Variants in VWA3B observed in about 807,000 individuals in gnomAD.
VWA3B encodes von Willebrand factor A domain-containing protein 3B.
VWA3B carries 138 observed loss-of-function variants against 158.3 expected under a neutral mutation model. That is an observed-to-expected ratio of 0.87 (90% CI 0.76 to 1.00). The LOEUF (loss-of-function observed/expected upper bound fraction) is 1.00, where lower values mean the gene tolerates loss of function less well. Among genes scored for constraint, VWA3B ranks in the 50% least tolerant of loss-of-function variants. VWA3B has a pLI of 0.00. For synonymous variants in VWA3B, 596 were observed against 587.3 expected (o/e 1.01, Z -0.21); for missense variants, 1,555 against 1,565.1 (o/e 0.99, Z 0.11).
At chr2:98,297,800 T>A in intron 23 of VWA3B, 107 bp from the exon 24 acceptor site, 1 of 1,330,956 alleles carries the variant, frequency 7.5e-7, no homozygotes, top group South Asian at 2.0e-5. Context: ...CACACTGATT[T>A]AAACAGGCAA....
intron 6 of VWA3B, among the ~76,000 whole-genome samples, chr2:98,129,005 G>A (rs868257093): frequency 2.0e-5 from 3 of 152,350 alleles, no homozygotes; most frequent in Admixed American, 6.5e-5. Flanking sequence ...CCTGGGAACT[G>A]GGCTAGTCAG....
chr2:98,314,064 G>T (rs1691034338), downstream of VWA3B, among the ~76,000 whole-genome samples: 1 of 152,178 alleles, frequency 6.6e-6, no homozygotes, highest in South Asian at 2.1e-4. Context: ...AGTGCTCTTT[G>T]AGAGATAAAT....
chr2:98,194,304 C>T (rs1323643873), intron 11 of VWA3B, 57 bp from the exon 12 acceptor site: 14 of 1,580,352 alleles, frequency 8.9e-6, no homozygotes, highest in Non-Finnish European at 1.1e-5. Flanking sequence ...GTGGCCTACC[C>T]AAACCCTTTC....
intron 20 of VWA3B, among the ~76,000 whole-genome samples, chr2:98,255,651 G>A (rs1200882262): frequency 6.6e-6 from 1 of 152,038 alleles, no homozygotes; most frequent in East Asian, 1.9e-4. Context: ...TAGCAGCCTC[G>A]TTTGGAAAAC....
chr2:98,143,637 A>T lies in VWA3B; in HGVS notation c.988+9698A>T, dbSNP rs186365165. Among the ~76,000 whole-genome samples, 651 of 152,160 alleles carry T rather than the reference A, an allele frequency of 4.3e-3. 4 individuals are homozygous for T. Among genetic ancestry groups the T allele is most frequent in the Middle Eastern group, 0.02 (6 of 294 alleles). ...TCAGGGAACTCAAATATAGTAAAAT[A>T]AAAAAAACCTGGGCTTTGGAGTCAG... On this transcript the variant is annotated intron_variant, in intron 7 of 27. Transcript: ENST00000477737.
intron 12 of VWA3B, among the ~76,000 whole-genome samples, chr2:98,203,866 T>C (rs1454933681): frequency 6.6e-6 from 1 of 152,180 alleles, no homozygotes; most frequent in Non-Finnish European, 1.5e-5. Context: ...GTCTGTGGAT[T>C]CAACCAACTA....
chr2:98,136,297 A>G (rs1467749415), intron 7 of VWA3B, among the ~76,000 whole-genome samples: 3 of 152,230 alleles, frequency 2.0e-5, no homozygotes, highest in Admixed American at 6.5e-5. Flanking sequence ...TGTTAAGTAC[A>G]TTCCCATTGT....
Position 98,104,339 on chromosome 2 carries a change from G to A in VWA3B, c.196+11051G>A, listed in dbSNP as rs565350263. On this transcript the variant is annotated intron_variant, in intron 2 of 27. Coordinates refer to ENST00000477737, the MANE Select transcript of VWA3B (RefSeq NM_144992.5). The stretch of plus-strand genomic sequence containing the variant: ...GCATCTGCATCTGGTGAGGGCCTCA[G>A]GAAGCTTCCACTCATGATAGAAGGC... 4.6e-5 allele frequency among the ~76,000 whole-genome samples: 7 copies of A among 152,300 alleles called. No homozygotes were observed. In the East Asian group the frequency reaches 1.4e-3, roughly 29 times the overall value.
chr2:98,312,746 A>T lies in VWA3B; in HGVS notation c.*397A>T, dbSNP rs2292119. 0.43 allele frequency: 72,095 copies of T among 166,538 alleles called. 16,259 individuals are homozygous for T. The highest frequency in any genetic ancestry group is 0.5 in the Non-Finnish European group (38,362 of 76,982). 10.3% of individuals were successfully genotyped at this position (166,538 alleles called of 1,614,324 possible). The stretch of plus-strand genomic sequence containing the variant: ...TTAATTATCACATCTAAATTAGAGA[A>T]TTTGTCACCCAATATTAGGACTGAA... On this transcript the variant is annotated 3_prime_UTR_variant, in exon 28 of 28. Coordinates refer to ENST00000477737, the MANE Select transcript of VWA3B (RefSeq NM_144992.5).
At chr2:98,113,588 T>C (rs1674311383) in intron 2 of VWA3B, among the ~76,000 whole-genome samples, 1 of 152,222 alleles carries the variant, frequency 6.6e-6, no homozygotes, top group African/African-American at 2.4e-5. Context: ...AGCTATAATG[T>C]ACCTACCTAC....
intron 21 of VWA3B, among the ~76,000 whole-genome samples, chr2:98,267,105 G>T (rs1485630914): frequency 1.3e-5 from 2 of 151,676 alleles, no homozygotes; most frequent in African/African-American, 4.8e-5. Flanking sequence ...TGGTGAGAGA[G>T]GGCATCCCTG....
rs1376352227 is a variant in VWA3B, at chr2:98,095,250, A to G, written c.196+1962A>G. 2.0e-5 allele frequency among the ~76,000 whole-genome samples: 3 copies of G among 152,278 alleles called. No individual in the cohort carries two copies. The East Asian group carries it at 5.8e-4, about 29-fold the overall frequency. On this transcript the variant is annotated intron_variant, in intron 2 of 27. Transcript: ENST00000477737. ...ATTTTTAACAGTATTCATCTTTCCAATCTATGAACATGGAATATCTTTAAA... is the reference window on the plus strand; with the variant it reads ...ATTTTTAACAGTATTCATCTTTCCAGTCTATGAACATGGAATATCTTTAAA...
At chr2:98,144,369 GTAATCC>G (rs1240333417) in intron 7 of VWA3B, among the ~76,000 whole-genome samples, 5 of 151,214 alleles carry the variant, frequency 3.3e-5, no homozygotes, top group Non-Finnish European at 7.4e-5. Flanking sequence ...CTTCTCTTCT[GTAATCC>G]TAATTCCTAC....
intron 12 of VWA3B, among the ~76,000 whole-genome samples, chr2:98,203,120 C>T (rs542110135): frequency 2.0e-5 from 3 of 152,314 alleles, no homozygotes; most frequent in African/African-American, 4.8e-5. Flanking sequence ...CGTGAGCCAC[C>T]ACACCCGGCC....
Position 98,192,988 on chromosome 2 carries a change from GA to G in VWA3B, c.1559del (p.Lys520ArgfsTer7). 2 of 1,614,162 alleles carry G rather than the reference GA, an allele frequency of 1.2e-6. No individual in the cohort carries two copies. The highest frequency in any genetic ancestry group is 1.7e-6 in the Non-Finnish European group (2 of 1,180,024). On this transcript the variant is annotated frameshift_variant, in exon 11 of 28. Transcript: ENST00000477737. LOFTEE classifies it high-confidence loss of function. The stretch of plus-strand genomic sequence containing the variant: ...TTCTCATTGACACGTCTCACTCAAT[GA>G]AGAGCAAACTGGACTTGGTGAAGGA... ...YILIDTSHSM[K>X]SKLDLVKDKI... is the part of the protein sequence containing the mutation.
chr2:98,287,578 AT>A (rs1689239742), intron 22 of VWA3B, among the ~76,000 whole-genome samples: 1 of 152,334 alleles, frequency 6.6e-6, no homozygotes, highest in African/African-American at 2.4e-5. Flanking sequence ...GCATAAAAAA[AT>A]GGAACTTTAG....
chr2:98,245,679 T>C (rs1686348857), intron 19 of VWA3B: 1 of 449,730 alleles, frequency 2.2e-6, no homozygotes, highest in Non-Finnish European at 4.5e-6. Flanking sequence ...AATGTTATAA[T>C]GTTGCTTAGT....
At chr2:98,177,999 G>A (rs1010605429) in intron 8 of VWA3B, among the ~76,000 whole-genome samples, 1 of 152,090 alleles carries the variant, frequency 6.6e-6, no homozygotes, top group African/African-American at 2.4e-5. Context: ...GAGGAGAAAA[G>A]GAAAGGTCTT....
chr2:98,201,106 A>G lies in VWA3B; in HGVS notation c.1737+6614A>G, dbSNP rs13407638. On this transcript the variant is annotated intron_variant, in intron 12 of 27. Coordinates refer to ENST00000477737, the MANE Select transcript of VWA3B (RefSeq NM_144992.5). Reference sequence around the variant, plus strand: ...CCTTCCAAATTTTTTTGGCTGTTATATAGTTCCTTTGACCTGCCTTGTACA... The same window carrying G: ...CCTTCCAAATTTTTTTGGCTGTTATGTAGTTCCTTTGACCTGCCTTGTACA... Among the ~76,000 whole-genome samples, 354 of 152,242 alleles carry G rather than the reference A, an allele frequency of 2.3e-3. 1 individual carries two copies. The highest frequency in any genetic ancestry group is 7.2e-3 in the African/African-American group (301 of 41,534).
Sources: gnomAD v4.1 joint callset for allele counts (sites outside exome capture counted in the v4.1 genomes callset) on GRCh38, gnomAD v4.1.1 for gene constraint, MANE v1.5 for transcripts, NCBI Gene and HGNC (gene_info 2026-07-23, HGNC 2026-07-21) for gene names.